ENPP2: variants seen among roughly 807,000 people sequenced by gnomAD.
ENPP2 encodes ectonucleotide pyrophosphatase/phosphodiesterase 2.
A neutral mutation model predicts 120.2 loss-of-function variants in ENPP2; 51 were observed. That is an observed-to-expected ratio of 0.42 (90% CI 0.34 to 0.54). The LOEUF is 0.54. ENPP2 is among the 20% of genes least tolerant of loss of function. ENPP2 has a pLI of 0.04. For synonymous variants in ENPP2, 365 were observed against 366.4 expected, an observed-to-expected ratio of 1.00 and a Z score of 0.04; for missense variants, 920 against 1,066.5, an observed-to-expected ratio of 0.86 and a Z score of 1.91.
intron 6 of ENPP2, 66 bp downstream of exon 6, chr8:119,617,400 C>T (rs1587491063): frequency 8.1e-7 from 1 of 1,231,238 alleles, no homozygotes; most frequent in East Asian, 2.5e-5. Flanking sequence ...TCAAAGCCCA[C>T]AGCCCACTGG....
intron 5 of ENPP2, chr8:119,618,406 C>T: frequency 2.2e-6 from 1 of 461,218 alleles, no homozygotes; most frequent in South Asian, 1.5e-5. Context: ...GTTTGCCTCC[C>T]TTTTCAACAG....
rs1445362569 is a variant in ENPP2, at chr8:119,580,161, A to C, written c.1735T>G (p.Leu579Val). Residue 579 changes from leucine to valine, a missense_variant, in exon 19 of 25, where the codon TTG (leucine) becomes GTG (valine). Physicochemically the swap from Leu to Val is conservative, Grantham distance 32. Transcript: ENST00000075322. ...CDDKVEPKNK[L>V]DELNKRLHTK... ...TGAAGCCGTTTGTTGAGTTCATCCA[A>C]CTTGTTCTTCATGTGTGAAAACCAG... 1 of 1,612,722 alleles carries C rather than the reference A, an allele frequency of 6.2e-7. No homozygotes were observed. Among genetic ancestry groups the C allele is most frequent in the South Asian group, 1.1e-5 (1 of 91,060 alleles).
At chr8:119,611,031 G>T (rs1270107299) in intron 8 of ENPP2, among the ~76,000 whole-genome samples, 1 of 151,918 alleles carries the variant, frequency 6.6e-6, no homozygotes, top group Non-Finnish European at 1.5e-5. Flanking sequence ...TTCAACATTT[G>T]TGTCCTAGAT....
At chr8:119,581,544 T>G (rs66964650) in intron 18 of ENPP2, among the ~76,000 whole-genome samples, 38,331 of 151,902 alleles carry the variant, frequency 0.25, 6,104 homozygotes, top group African/African-American at 0.46. Context: ...CAAGCTGCAC[T>G]CATCGGCCAA....
At chr8:119,669,051 A>G (rs1818163860) in intron 1 of ENPP2, among the ~76,000 whole-genome samples, 1 of 152,216 alleles carries the variant, frequency 6.6e-6, no homozygotes, top group Non-Finnish European at 1.5e-5. Flanking sequence ...CTTATTGATA[A>G]CTTTTGGACT....
intron 1 of ENPP2, among the ~76,000 whole-genome samples, chr8:119,655,677 G>C (rs1817748963): frequency 6.6e-6 from 1 of 152,198 alleles, no homozygotes; most frequent in Non-Finnish European, 1.5e-5. Context: ...GTTGTACAGA[G>C]ATTATCTTAC....
chr8:119,634,433 TAACTC>T (rs577554289), intron 2 of ENPP2, among the ~76,000 whole-genome samples: 240 of 152,348 alleles, frequency 1.6e-3, no homozygotes, highest in African/African-American at 5.6e-3. Flanking sequence ...AAGGTATTGT[TAACTC>T]AATAAGGTAT....
At chr8:119,667,485 A>G (rs1338908490) in intron 1 of ENPP2, among the ~76,000 whole-genome samples, 3 of 152,202 alleles carry the variant, frequency 2.0e-5, no homozygotes, top group Non-Finnish European at 4.4e-5. Flanking sequence ...CCTCCACATT[A>G]GAGGGAAAGA....
intron 3 of ENPP2, among the ~76,000 whole-genome samples, chr8:119,625,992 T>C (rs1203712024): frequency 2.0e-5 from 3 of 152,178 alleles, no homozygotes; most frequent in African/African-American, 4.8e-5. Flanking sequence ...CACTAACAGT[T>C]ACTGTACGAT....
chr8:119,568,129 G>T, intron 22 of ENPP2, 46 bp downstream of exon 22: 1 of 1,000,222 alleles, frequency 1.0e-6, no homozygotes, highest in Non-Finnish European at 1.6e-6. Context: ...ATTTAGAAAT[G>T]TTTATTTTCA....
intron 4 of ENPP2, among the ~76,000 whole-genome samples, chr8:119,621,104 G>A (rs1815863313): frequency 6.6e-6 from 1 of 152,144 alleles, no homozygotes; most frequent in South Asian, 2.1e-4. Context: ...TCCTGTCTCA[G>A]GATCTGCTTC....
chr8:119,638,814 T>C lies in ENPP2; in HGVS notation c.-34A>G. 6.2e-7 allele frequency: 1 copy of C among 1,613,928 alleles called. No homozygotes were observed. ...TTCTTGGAAAGCCTTTTGCAGCGTG[T>C]TCTCTTTGCCTTCACGGAGTGCACT... is the stretch of plus-strand genomic sequence containing the variant. On this transcript the variant is annotated 5_prime_UTR_variant, in exon 1 of 25. Coordinates refer to ENST00000075322, the MANE Select transcript of ENPP2 (RefSeq NM_001040092.3).
Position 119,638,450 on chromosome 8 carries a change from T to C in ENPP2, c.111A>G (p.Glu37=). The part of the protein sequence containing the change: ...GFTAHRIKRA[E]GWEEGPPTVL... ...CTGTAGGAGGACCTTCCTCCCATCC[T>C]TCTGCTCTCTTAATTCGATGTGCAG... The change falls in exon 2 of 25, where the codon GAA becomes GAG. Residue 37 remains glutamate, a synonymous_variant. Transcript: ENST00000075322. The C allele has an allele frequency of 1.2e-6, 2 of 1,606,460 alleles. No individual in the cohort carries two copies. Among genetic ancestry groups the C allele is most frequent in the Non-Finnish European group, 1.7e-6 (2 of 1,172,964 alleles).
chr8:119,650,246 T>C (rs1215248354), intron 1 of ENPP2, among the ~76,000 whole-genome samples: 1 of 152,212 alleles, frequency 6.6e-6, no homozygotes, highest in Non-Finnish European at 1.5e-5. Context: ...AAAAGCCACA[T>C]GTTTTATGAT....
rs1016003417 is a variant in ENPP2, at chr8:119,570,760, C to A, written c.1862G>T (p.Gly621Val). Reference protein sequence around the residue: ...DILYHTDFESGYSEIFLMPLW... With the variant: ...DILYHTDFESVYSEIFLMPLW... ...TGGCATTAGGAATATTTCACTATAA[C>A]CACTTTCAAAGTCAGTGTGATATAA... Residue 621 changes from glycine (G) to valine (V), a missense_variant, in exon 20 of 25, where the codon GGT becomes GTT. By Grantham distance (109) the Gly-to-Val change is moderately radical. Transcript: ENST00000075322. The A allele has an allele frequency of 6.3e-6, 10 of 1,594,300 alleles. No individual in the cohort carries two copies. The highest frequency in any genetic ancestry group is 8.6e-6 in the Non-Finnish European group (10 of 1,167,610).
At chr8:119,576,190 G>A (rs374841969) in intron 19 of ENPP2, among the ~76,000 whole-genome samples, 2 of 152,300 alleles carry the variant, frequency 1.3e-5, no homozygotes, top group African/African-American at 2.4e-5. Context: ...CCAGGCTGGA[G>A]TACAATGGCG....
In ENPP2 at chr8:119,616,429, T is replaced by C. The variant is rs1305510916; in HGVS notation, c.658-45A>G. The C allele has an allele frequency of 2.8e-6, 4 of 1,426,954 alleles. 1 individual carries two copies. 88.4% of individuals were successfully genotyped at this position (1,426,954 alleles called of 1,614,324 possible). On this transcript the variant is annotated intron_variant, in intron 7 of 24. Transcript: ENST00000075322. ...TATTGTTAAAATAACAATACAATAATCCACATACATTAGTTCTAGTATGAA... is the reference window on the plus strand; with the variant it reads ...TATTGTTAAAATAACAATACAATAACCCACATACATTAGTTCTAGTATGAA...
At chr8:119,566,845 C>T (rs1373667252) in intron 22 of ENPP2, among the ~76,000 whole-genome samples, 1 of 152,214 alleles carries the variant, frequency 6.6e-6, no homozygotes, top group Non-Finnish European at 1.5e-5. Context: ...TTCTGAAATG[C>T]TTCTCAGTTG....
intron 16 of ENPP2, 61 bp from the exon 17 acceptor site, chr8:119,583,865 A>G (rs1244680270): frequency 1.5e-6 from 2 of 1,371,040 alleles, no homozygotes; most frequent in South Asian, 1.2e-5. Flanking sequence ...CCCTTCCTCT[A>G]TTTATGAATA....
Sources: gnomAD v4.1 joint callset for allele counts (sites outside exome capture counted in the v4.1 genomes callset) on GRCh38, gnomAD v4.1.1 for gene constraint, MANE v1.5 for transcripts, NCBI Gene and HGNC (gene_info 2026-07-23, HGNC 2026-07-21) for gene names.